STK31: variants seen among roughly 807,000 people sequenced by gnomAD.
STK31 encodes serine/threonine kinase 31.
Under a neutral mutation model 129.7 loss-of-function variants are expected in STK31, and 89 were observed. That is an observed-to-expected ratio of 0.69 (90% CI 0.58 to 0.82). STK31 has a LOEUF of 0.82. Ranked by LOEUF, STK31 falls within the 40% of genes least tolerant of loss-of-function variation. The probability of loss-of-function intolerance (pLI) is 0.00; values close to 1 mark genes in which losing one functional copy is unlikely to be tolerated. For synonymous variants in STK31, 448 were observed against 395.3 expected, an observed-to-expected ratio of 1.13 and a Z score of -1.58; for missense variants, 1,187 against 1,176.4, an observed-to-expected ratio of 1.01 and a Z score of -0.13.
chr7:23,814,877 A>T (rs1562627291), intron 22 of STK31, among the ~76,000 whole-genome samples: 2 of 152,134 alleles, frequency 1.3e-5, no homozygotes, highest in South Asian at 2.1e-4. Flanking sequence ...TAGGCTACCA[A>T]GTTCTAACAC....
intron 23 of STK31, among the ~76,000 whole-genome samples, chr7:23,828,542 C>T (rs969126716): frequency 9.2e-5 from 14 of 152,238 alleles, no homozygotes; most frequent in East Asian, 5.8e-4. Context: ...TTGCGCTTCC[C>T]GGGTGAGGCG....
intron 4 of STK31, chr7:23,725,883 C>T: frequency 6.6e-6 from 1 of 152,204 alleles, no homozygotes; most frequent in East Asian, 1.9e-4. Flanking sequence ...ACAAGGGACT[C>T]AGGGTGCTTC....
intron 23 of STK31, among the ~76,000 whole-genome samples, chr7:23,828,092 G>C (rs1794291370): frequency 6.6e-6 from 1 of 152,222 alleles, no homozygotes; most frequent in Admixed American, 6.5e-5. Context: ...CCAGCTGTGT[G>C]CTGGGAGAAC....
chr7:23,788,201 TATATA>T (rs145276788), intron 21 of STK31, 72 bp downstream of exon 21: 16,695 of 1,293,416 alleles, frequency 0.013, 291 homozygotes, highest in African/African-American at 0.06. Context: ...TCAGCACTTA[TATATA>T]ATATAATACT....
intron 4 of STK31, 61 bp downstream of exon 4, chr7:23,717,640 A>ATC (rs1786431362): frequency 1.5e-6 from 2 of 1,367,346 alleles, no homozygotes; most frequent in Non-Finnish European, 2.0e-6. Context: ...TGTGTCTTAG[A>ATC]TATTTAGTTT....
chr7:23,789,480 T>C (rs1195787623), intron 21 of STK31, among the ~76,000 whole-genome samples: 1 of 152,144 alleles, frequency 6.6e-6, no homozygotes, highest in Non-Finnish European at 1.5e-5. Flanking sequence ...TATGTTATAA[T>C]GCTTTTATAC....
rs771526204 is a variant in STK31, at chr7:23,772,129, T to C, written c.1834-18T>C. On this transcript the variant is annotated intron_variant, in intron 14 of 23. Transcript: ENST00000355870. Reference sequence around the variant, plus strand: ...CTTTTCTTATGTGTTTGAAAATACGTAACTTTTGTTTACTTAGTTTAAAAA... The same window carrying C: ...CTTTTCTTATGTGTTTGAAAATACGCAACTTTTGTTTACTTAGTTTAAAAA... 3 of 1,515,594 alleles carry C rather than the reference T, an allele frequency of 2.0e-6. No individual in the cohort carries two copies. The African/African-American group carries it at 4.2e-5, about 21-fold the overall frequency. 93.9% of individuals were successfully genotyped at this position (1,515,594 alleles called of 1,614,324 possible).
chr7:23,713,313 C>T (rs904624380), intron 3 of STK31, among the ~76,000 whole-genome samples: 1 of 152,096 alleles, frequency 6.6e-6, no homozygotes, highest in Non-Finnish European at 1.5e-5. Context: ...AAGTGGTACA[C>T]CTGTATAGGG....
Position 23,736,893 on chromosome 7 carries a change from T to C in STK31, c.843-11T>C, listed in dbSNP as rs202077374. ...GTTTGTTTGTCAAAATAAATGAATT[T>C]GTTTTTATAGGGAAAGTTTGGCTGT... is the stretch of plus-strand genomic sequence containing the variant. On this transcript the variant is annotated splice_polypyrimidine_tract_variant and intron_variant, in intron 7 of 23. Coordinates refer to ENST00000355870, the MANE Select transcript of STK31 (RefSeq NM_031414.5). 1.3e-4 allele frequency: 212 copies of C among 1,590,046 alleles called. 1 individual carries two copies. The African/African-American group carries it at 2.7e-3, about 20-fold the overall frequency.
chr7:23,756,114 C>G (rs1056213215), intron 10 of STK31, among the ~76,000 whole-genome samples: 2 of 152,198 alleles, frequency 1.3e-5, no homozygotes, highest in African/African-American at 4.8e-5. Flanking sequence ...GATATTGAGT[C>G]TTCCTATCCA....
chr7:23,800,773 A>G (rs10807817), intron 22 of STK31, among the ~76,000 whole-genome samples: 36,971 of 152,088 alleles, frequency 0.24, 4,759 homozygotes, highest in South Asian at 0.34. Context: ...AGAAAAAAAT[A>G]TAAATAAAAA....
intron 4 of STK31, 100 bp downstream of exon 4, chr7:23,717,679 G>A: frequency 1.1e-6 from 1 of 914,070 alleles, no homozygotes; most frequent in Non-Finnish European, 1.7e-6. Flanking sequence ...TTGAAAAGAA[G>A]AGGCTGATTT....
chr7:23,771,103 T>C lies in STK31; in HGVS notation c.1812T>C (p.Ala604=). ...SEERLIATVQ[A]KYKDSIEFKK... ...AAAGGCTCATTGCCACAGTACAAGCTAAGTACAAGGACAGTATTGAGGTTT... is the reference window on the plus strand; with the variant it reads ...AAAGGCTCATTGCCACAGTACAAGCCAAGTACAAGGACAGTATTGAGGTTT... The change falls in exon 14 of 24, where the codon GCT becomes GCC. Residue 604 remains alanine, a synonymous_variant. Coordinates refer to ENST00000355870, the MANE Select transcript of STK31 (RefSeq NM_031414.5). 8 of 1,612,184 alleles carry C rather than the reference T, an allele frequency of 5.0e-6. No individual in the cohort carries two copies. The highest frequency in any genetic ancestry group is 6.8e-6 in the Non-Finnish European group (8 of 1,179,076).
At chr7:23,803,184 C>A (rs2128121622) in intron 22 of STK31, among the ~76,000 whole-genome samples, 1 of 152,180 alleles carries the variant, frequency 6.6e-6, no homozygotes, top group East Asian at 1.9e-4. Flanking sequence ...TGACCTTCCT[C>A]CTCAAAGAAT....
chr7:23,734,541 T>G (rs1374215733), intron 6 of STK31, among the ~76,000 whole-genome samples: 2 of 152,196 alleles, frequency 1.3e-5, no homozygotes, highest in Non-Finnish European at 2.9e-5. Context: ...ATCCCAAATA[T>G]GTTTTAGGTG....
intron 8 of STK31, among the ~76,000 whole-genome samples, chr7:23,740,044 A>C (rs535973445): frequency 6.5e-4 from 99 of 152,280 alleles, no homozygotes; most frequent in African/African-American, 2.2e-3. Flanking sequence ...ATAGAATTGA[A>C]TCTATCAATT....
At chr7:23,815,284 G>A in intron 23 of STK31, 72 bp downstream of exon 23, 1 of 1,099,046 alleles carries the variant, frequency 9.1e-7, no homozygotes, top group South Asian at 1.9e-5. Flanking sequence ...CTGACTGAAA[G>A]TTGTCCTCCA....
intron 11 of STK31, 55 bp downstream of exon 11, chr7:23,762,978 T>G (rs1362398042): frequency 1.4e-6 from 2 of 1,425,352 alleles, no homozygotes; most frequent in East Asian, 5.2e-5. Context: ...ATTTAAGAAG[T>G]GAAATTAGCA....
At chr7:23,755,115 A>G (rs1584390246) in intron 10 of STK31, 2 of 152,238 alleles carry the variant, frequency 1.3e-5, no homozygotes. Context: ...CGTTCCCACC[A>G]ACACTGTGAA....
Sources: allele counts gnomAD v4.1 joint callset (sites outside exome capture counted in the v4.1 genomes callset), GRCh38; gene constraint gnomAD v4.1.1; transcripts MANE v1.5; gene names NCBI Gene and HGNC (gene_info 2026-07-23, HGNC 2026-07-21).